SLC39A6: variants seen among roughly 807,000 people sequenced by gnomAD.
SLC39A6 encodes the protein zinc transporter ZIP6.
SLC39A6 carries 51 observed loss-of-function variants against 63.5 expected under a neutral mutation model. The observed-to-expected ratio is 0.80, with a 90% CI of 0.64 to 1.01. The LOEUF is 1.01. Ranked by LOEUF, SLC39A6 falls within the 50% of genes least tolerant of loss-of-function variation. The probability of loss-of-function intolerance (pLI) is 0.00; values close to 1 mark genes in which losing one functional copy is unlikely to be tolerated. For synonymous variants in SLC39A6, 318 were observed against 324.7 expected (o/e 0.98, Z 0.22); for missense variants, 805 against 927.8 (o/e 0.87, Z 1.72).
intron 8 of SLC39A6, among the ~76,000 whole-genome samples, chr18:36,111,485 TTTTTTTTC>T (rs755305030): frequency 9.6e-4 from 117 of 121,662 alleles, no homozygotes; most frequent in Non-Finnish European, 1.9e-3. Context: ...CAAACTTTTT[TTTTTTTTC>T]TTTTTTTTGA....
Position 36,123,666 on chromosome 18 carries a change from T to C in SLC39A6, c.971-2A>G. ...TGGCTATAAAACCACCAACCCAGGC[T>C]GTCAAACAAAACAAAACAGAGCAAA... is the stretch of plus-strand genomic sequence containing the variant. On this transcript the variant is annotated splice_acceptor_variant, in intron 3 of 9. Transcript: ENST00000269187. LOFTEE classifies it high-confidence loss of function. 1 of 1,596,210 alleles carries C rather than the reference T, an allele frequency of 6.3e-7. No individual in the cohort carries two copies. The highest frequency in any genetic ancestry group is 8.5e-7 in the Non-Finnish European group (1 of 1,175,364).
chr18:36,124,483 T>C, intron 3 of SLC39A6, 37 bp downstream of exon 3: 3 of 1,332,502 alleles, frequency 2.3e-6, no homozygotes, highest in Non-Finnish European at 3.1e-6. Context: ...TAAATGAATC[T>C]ACTGAAATTG....
rs2089348573 is a variant in SLC39A6, at chr18:36,116,718, T to G, written c.1421A>C (p.Glu474Ala). 6.2e-7 allele frequency: 1 copy of G among 1,613,234 alleles called. No homozygotes were observed. Among genetic ancestry groups the G allele is most frequent in the African/African-American group, 1.3e-5 (1 of 74,914 alleles). ...VEIKKQLSKY[E>A]SQLSTNEEKV... ...CTCCTCATTTGTTGAAAGTTGAGATTCATACTTGGACAACTGCTTCTTAAT... is the reference window on the plus strand; with the variant it reads ...CTCCTCATTTGTTGAAAGTTGAGATGCATACTTGGACAACTGCTTCTTAAT... Residue 474 changes from glutamate to alanine, a missense_variant, in exon 6 of 10, where the codon GAA becomes GCA. By Grantham distance (107) the Glu-to-Ala change is moderately radical. This residue lies in a region of SLC39A6 where 639 missense variants were observed against 644.0 expected (regional missense o/e 0.99). Coordinates refer to ENST00000269187, the MANE Select transcript of SLC39A6 (RefSeq NM_012319.4).
intron 9 of SLC39A6, among the ~76,000 whole-genome samples, chr18:36,110,572 TCTG>T (rs1444015693): frequency 6.6e-6 from 1 of 152,080 alleles, no homozygotes; most frequent in African/African-American, 2.4e-5. Flanking sequence ...AGAGTCTTGC[TCTG>T]TTGTCCAGGC....
intron 1 of SLC39A6, among the ~76,000 whole-genome samples, chr18:36,128,521 T>C (rs549573368): frequency 6.6e-6 from 1 of 152,332 alleles, no homozygotes; most frequent in South Asian, 2.1e-4. Flanking sequence ...ACGAGGCTCC[T>C]GAAAGAGGAA....
At chr18:36,110,607 C>T (rs373504830) in intron 9 of SLC39A6, among the ~76,000 whole-genome samples, 2 of 151,896 alleles carry the variant, frequency 1.3e-5, no homozygotes, top group Admixed American at 6.6e-5. Context: ...AGTACAATCT[C>T]AGCTCACTGC....
At chr18:36,118,701 T>C (rs972824399) in intron 5 of SLC39A6, among the ~76,000 whole-genome samples, 12 of 152,200 alleles carry the variant, frequency 7.9e-5, no homozygotes, top group Non-Finnish European at 1.6e-4. Flanking sequence ...CAAAAACTAA[T>C]GGAGCCACTG....
chr18:36,116,634 G>A (rs1384506906), intron 6 of SLC39A6, 40 bp downstream of exon 6: 5 of 1,345,696 alleles, frequency 3.7e-6, no homozygotes, highest in Admixed American at 1.7e-5. Flanking sequence ...ATACAGCAAT[G>A]AACTCCCTCC....
Position 36,111,150 on chromosome 18 carries a change from C to T in SLC39A6, c.2024G>A (p.Gly675Glu), listed in dbSNP as rs374213516. Residue 675 changes from glycine to glutamate, a missense_variant, in exon 9 of 10, where the codon GGA becomes GAA. Physicochemically the swap from Gly to Glu is moderately conservative, Grantham distance 98. Transcript: ENST00000269187. ...AMLAYLGMAT[G>E]IFIGHYAENV... ...TTCAGCATAATGACCAATGAAAATT[C>T]CTGTTGCCATTCCAAGATACGCCAG... 3 of 1,614,084 alleles carry T rather than the reference C, an allele frequency of 1.9e-6. No individual in the cohort carries two copies. Among genetic ancestry groups the T allele is most frequent in the Non-Finnish European group, 2.5e-6 (3 of 1,180,016 alleles).
intron 4 of SLC39A6, among the ~76,000 whole-genome samples, chr18:36,122,814 C>A (rs573593128): frequency 6.6e-6 from 1 of 152,308 alleles, no homozygotes; most frequent in South Asian, 2.1e-4. Flanking sequence ...CATACACACG[C>A]CACTTTCTAT....
chr18:36,125,071 C>T (rs2089425166), intron 2 of SLC39A6, among the ~76,000 whole-genome samples: 1 of 152,278 alleles, frequency 6.6e-6, no homozygotes, highest in East Asian at 1.9e-4. Flanking sequence ...AAATATGTTG[C>T]TTCAGTACTA....
rs2089283135 is a variant in SLC39A6 at position 36,109,386 on chromosome 18, G to A, written c.*207C>T. 5 of 396,058 alleles carry A rather than the reference G, an allele frequency of 1.3e-5. No homozygotes were observed. The highest frequency in any genetic ancestry group is 2.3e-5 in the Non-Finnish European group (5 of 221,786). 24.5% of individuals were successfully genotyped at this position (396,058 alleles called of 1,614,324 possible). A position where few individuals can be genotyped will look rare whatever the true frequency, so the allele number is the denominator to read the frequency against. On this transcript the variant is annotated 3_prime_UTR_variant, in exon 10 of 10. Transcript: ENST00000269187. ...AATAAACTGGTAATACCGGTGAATTGCACATACAGATTTTATCTCCAAGAT... is the reference window on the plus strand; with the variant it reads ...AATAAACTGGTAATACCGGTGAATTACACATACAGATTTTATCTCCAAGAT...
In SLC39A6 at chr18:36,123,547, G is replaced by A. The variant is rs1330149392; in HGVS notation, c.1088C>T (p.Ala363Val). 1 of 1,613,602 alleles carries A rather than the reference G, an allele frequency of 6.2e-7. No individual in the cohort carries two copies. Among genetic ancestry groups the A allele is most frequent in the Non-Finnish European group, 8.5e-7 (1 of 1,179,874 alleles). ...FFKFLLSFLV[A>V]LAVGTLSGDA... ...ACCACTCAAAGTCCCAACGGCCAGT[G>A]CCACAAGGAAACTCAGGAGAAATTT... The change falls in exon 4 of 10, where the codon GCA becomes GTA. Residue 363 changes from alanine to valine, a missense_variant. Physicochemically the swap from Ala to Val is moderately conservative, Grantham distance 64. Coordinates refer to ENST00000269187, the MANE Select transcript of SLC39A6 (RefSeq NM_012319.4).
At chr18:36,128,501 A>T (rs1189812056) in intron 1 of SLC39A6, among the ~76,000 whole-genome samples, 1 of 152,246 alleles carries the variant, frequency 6.6e-6, no homozygotes, top group Non-Finnish European at 1.5e-5. Flanking sequence ...AAATGGAGGT[A>T]CGGCGTAGAA....
rs1434357894 is a variant in SLC39A6 at position 36,124,598 on chromosome 18, T to C, written c.892A>G (p.Ile298Val). The C allele has an allele frequency of 3.8e-6, 6 of 1,594,758 alleles. No individual in the cohort carries two copies. The African/African-American group carries it at 8.0e-5, about 21-fold the overall frequency. ...TGAATCAGACAAGATCTAGCATCAA[T>C]TTGGTTGATGATGGCTGGACAGAGA... ...NYLCPAIINQ[I>V]DARSCLIHTS... The change falls in exon 3 of 10, where the codon ATT (isoleucine) becomes GTT (valine). Residue 298 changes from isoleucine to valine, a missense_variant. By Grantham distance (29) the Ile-to-Val change is conservative. This residue lies in a region of SLC39A6 where 639 missense variants were observed against 644.0 expected (regional missense o/e 0.99). Transcript: ENST00000269187.
chr18:36,127,135 T>TAATCAAATAATCAAA (rs1283015892), intron 1 of SLC39A6, 119 bp from the exon 2 acceptor site: 2 of 801,726 alleles, frequency 2.5e-6, no homozygotes, highest in Non-Finnish European at 3.9e-6. Context: ...CATCATGTGG[T>TAATCAAATAATCAAA]GTGACCAGTG....
In SLC39A6 at chr18:36,116,703, G is replaced by A. The variant is rs1367842425; in HGVS notation, c.1436C>T (p.Thr479Ile). The change falls in exon 6 of 10, where the codon ACA becomes ATA. Residue 479 changes from threonine to isoleucine, a missense_variant. By Grantham distance (89) the Thr-to-Ile change is moderately conservative (BLOSUM62 -1). Transcript: ENST00000269187. ...ATCTGTATCTACTTTCTCCTCATTT[G>A]TTGAAAGTTGAGATTCATACTTGGA... Reference protein sequence around the residue: ...QLSKYESQLSTNEEKVDTDDR... With the variant: ...QLSKYESQLSINEEKVDTDDR... 6.2e-7 allele frequency: 1 copy of A among 1,612,164 alleles called. No individual in the cohort carries two copies. The highest frequency in any genetic ancestry group is 8.5e-7 in the Non-Finnish European group (1 of 1,178,766).
rs764882344 is a variant in SLC39A6 at position 36,120,025 on chromosome 18, C to T, written c.1359+2027G>A. Among the ~76,000 whole-genome samples the T allele has an allele frequency of 2.6e-5, 4 of 151,874 alleles. No individual in the cohort carries two copies. The East Asian group carries it at 5.8e-4, about 22-fold the overall frequency. ...TACAGTTAAAAAAAGAAGAAAACAACCCAATCCCCAAGTCTCCCAGAATGA... is the reference window on the plus strand; with the variant it reads ...TACAGTTAAAAAAAGAAGAAAACAATCCAATCCCCAAGTCTCCCAGAATGA... On this transcript the variant is annotated intron_variant, in intron 5 of 9. Transcript: ENST00000269187.
chr18:36,111,337 T>A, intron 8 of SLC39A6, 88 bp from the exon 9 acceptor site: 1 of 1,345,834 alleles, frequency 7.4e-7, no homozygotes, highest in Non-Finnish European at 1.0e-6. Flanking sequence ...TTTAAGAAAA[T>A]TTTCCAGTGT....
Sources: gnomAD v4.1 joint callset for allele counts (sites outside exome capture counted in the v4.1 genomes callset) on GRCh38, gnomAD v4.1.1 for gene constraint, gnomAD v4.1.1 regional missense constraint, MANE v1.5 for transcripts, NCBI Gene and HGNC (gene_info 2026-07-23, HGNC 2026-07-21) for gene names.